The following ZNF536 variants were observed in gnomAD, a reference collection of about 807,000 sequenced individuals.
ZNF536 encodes the protein zinc finger protein 536.
In ZNF536, 13 loss-of-function variants were observed where a neutral mutation model predicts 84.5. The ratio of observed to expected loss-of-function variants is 0.15; its 90% CI spans 0.10 to 0.24. The LOEUF (loss-of-function observed/expected upper bound fraction) is 0.24, where lower values mean the gene tolerates loss of function less well. Among genes scored for constraint, ZNF536 ranks in the 10% least tolerant of loss-of-function variants. The probability of loss-of-function intolerance (pLI) is 1.00; values close to 1 mark genes in which losing one functional copy is unlikely to be tolerated. For missense variants in ZNF536, 1,536 were observed against 1,747.5 expected, an observed-to-expected ratio of 0.88 and a Z score of 2.16; for synonymous variants, 811 against 742.5, an observed-to-expected ratio of 1.09 and a Z score of -1.50.
In ZNF536 at chr19:30,429,449, C is replaced by T. The variant is rs1196365288; in HGVS notation, c.-2-14112C>T. On this transcript the variant is annotated intron_variant, in intron 1 of 4. Coordinates refer to ENST00000355537, the MANE Select transcript of ZNF536 (RefSeq NM_014717.3). ...CAGCAGTAGAGGTTCAGAATGGAGGCTGTTGTCTCCAAGAACAACTCTAGG... is the reference window on the plus strand; with the variant it reads ...CAGCAGTAGAGGTTCAGAATGGAGGTTGTTGTCTCCAAGAACAACTCTAGG... Among the ~76,000 whole-genome samples the T allele has an allele frequency of 2.0e-5, 3 of 152,090 alleles. No individual in the cohort carries two copies. The East Asian group carries it at 5.8e-4, about 29-fold the overall frequency.
intron 1 of ZNF536, among the ~76,000 whole-genome samples, chr19:30,381,322 T>C (rs779512412): frequency 7.9e-5 from 12 of 152,122 alleles, no homozygotes; most frequent in Non-Finnish European, 1.3e-4. Context: ...GTTTAAGTTA[T>C]GGGGAGGGAG....
intron 1 of ZNF536, among the ~76,000 whole-genome samples, chr19:30,563,378 C>A (rs1249043350): frequency 6.6e-6 from 1 of 152,166 alleles, no homozygotes; most frequent in Non-Finnish European, 1.5e-5. Flanking sequence ...TCCAACTGAG[C>A]TGTTTTCACT....
chr19:30,321,608 A>G (rs2046858146), intron 2 of ZNF536, among the ~76,000 whole-genome samples: 1 of 152,038 alleles, frequency 6.6e-6, no homozygotes, highest in African/African-American at 2.4e-5. Context: ...CGGTACCACA[A>G]ATTTAGAAAA....
rs573750772 is a variant in ZNF536, at chr19:30,364,720, G to A, written c.-3+12236G>A. ...ACGCTCTCAGGCCAGGGCATGAACT[G>A]TATACAAGCAACTTGGCCTTAAGGT... is the stretch of plus-strand genomic sequence containing the variant. On this transcript the variant is annotated intron_variant, in intron 3 of 5. Transcript: ENST00000585628. Among the ~76,000 whole-genome samples the A allele has an allele frequency of 2.6e-5, 4 of 152,280 alleles. No individual in the cohort carries two copies. In the East Asian group the frequency reaches 7.7e-4, roughly 29 times the overall value.
At chr19:30,459,479 T>C (rs151221884) in intron 2 of ZNF536, among the ~76,000 whole-genome samples, 260 of 152,080 alleles carry the variant, frequency 1.7e-3, no homozygotes, top group African/African-American at 5.9e-3. Flanking sequence ...GCCTCCCAAG[T>C]AGCTGGGACT....
chr19:30,231,830 C>CTG (rs1010261759), intron 1 of ZNF536, among the ~76,000 whole-genome samples: 1 of 151,710 alleles, frequency 6.6e-6, no homozygotes, highest in Non-Finnish European at 1.5e-5. Flanking sequence ...GTCTGTCTGT[C>CTG]TGTGTGTGCT....
At chr19:30,450,134 A>G (rs765044476) in intron 2 of ZNF536, among the ~76,000 whole-genome samples, 6 of 144,232 alleles carry the variant, frequency 4.2e-5, no homozygotes, top group Non-Finnish European at 9.0e-5. Flanking sequence ...TGGCAATGTC[A>G]ATTAGTAACT....
intron 1 of ZNF536, among the ~76,000 whole-genome samples, chr19:30,276,163 C>T (rs1370972214): frequency 6.6e-6 from 1 of 151,964 alleles, no homozygotes; most frequent in Non-Finnish European, 1.5e-5. Flanking sequence ...TGGGGGCTTT[C>T]TATGTTTCTT....
chr19:30,502,536 C>T (rs1207405763), intron 2 of ZNF536, among the ~76,000 whole-genome samples: 1 of 152,100 alleles, frequency 6.6e-6, no homozygotes, highest in Non-Finnish European at 1.5e-5. Context: ...TGGGGAGCAG[C>T]CAGGGGGCTA....
At chr19:30,277,347 A>G (rs1568297537) in intron 1 of ZNF536, among the ~76,000 whole-genome samples, 1 of 152,080 alleles carries the variant, frequency 6.6e-6, no homozygotes, top group Non-Finnish European at 1.5e-5. Flanking sequence ...AGCTGATGAG[A>G]GGAAGCCTCT....
chr19:30,562,059 G>A (rs150195621), downstream of ZNF536, among the ~76,000 whole-genome samples: 1 of 152,288 alleles, frequency 6.6e-6, no homozygotes, highest in East Asian at 1.9e-4. Context: ...GCTGGTCTGG[G>A]GGAGACCTTG....
intron 2 of ZNF536, among the ~76,000 whole-genome samples, chr19:30,320,807 C>G (rs1230586148): frequency 2.0e-5 from 3 of 152,128 alleles, no homozygotes; most frequent in Non-Finnish European, 4.4e-5. Context: ...CCGGGAGAAT[C>G]AGGGCCTTAA....
chr19:30,529,015 G>A (rs1302199997), intron 2 of ZNF536, among the ~76,000 whole-genome samples: 1 of 151,992 alleles, frequency 6.6e-6, no homozygotes. Flanking sequence ...GTCCTCGTGG[G>A]TCAGATGGGA....
chr19:30,411,041 A>AAT (rs1374513470), intron 1 of ZNF536, among the ~76,000 whole-genome samples: 11 of 152,222 alleles, frequency 7.2e-5, no homozygotes, highest in Non-Finnish European at 1.5e-4. Flanking sequence ...ATAACTACTT[A>AAT]GGTATTTTCC....
At chr19:30,567,560 G>A (rs746556019) in intron 1 of ZNF536, among the ~76,000 whole-genome samples, 13 of 152,158 alleles carry the variant, frequency 8.5e-5, no homozygotes, top group Non-Finnish European at 1.5e-5. Flanking sequence ...TTCCCCCGCA[G>A]CGAGAGGGCC....
intron 2 of ZNF536, among the ~76,000 whole-genome samples, chr19:30,477,883 G>A (rs2053915828): frequency 6.6e-6 from 1 of 152,204 alleles, no homozygotes; most frequent in Non-Finnish European, 1.5e-5. Flanking sequence ...GGTGAGGGAA[G>A]AGAGTTTTCT....
chr19:30,462,013 C>T (rs764036056), intron 2 of ZNF536, among the ~76,000 whole-genome samples: 23 of 152,176 alleles, frequency 1.5e-4, no homozygotes, highest in Non-Finnish European at 4.4e-5. Flanking sequence ...AATCCTCCGG[C>T]CTGGTCAGGG....
intron 1 of ZNF536, among the ~76,000 whole-genome samples, chr19:30,255,717 G>GAACC (rs2024880899): frequency 6.6e-6 from 1 of 152,134 alleles, no homozygotes; most frequent in Non-Finnish European, 1.5e-5. Context: ...GTCAGGCTGT[G>GAACC]AACCAATTTT....
At chr19:30,239,621 G>C (rs2023792449) in intron 1 of ZNF536, among the ~76,000 whole-genome samples, 1 of 152,218 alleles carries the variant, frequency 6.6e-6, no homozygotes, top group Non-Finnish European at 1.5e-5. Context: ...GCATTTCTGA[G>C]CATGGGAATT....
Sources: allele counts gnomAD v4.1 joint callset (sites outside exome capture counted in the v4.1 genomes callset), GRCh38; gene constraint gnomAD v4.1.1; transcripts MANE v1.5; gene names NCBI Gene and HGNC (gene_info 2026-07-23, HGNC 2026-07-21).